STARD6: variants seen among roughly 807,000 people sequenced by gnomAD.
STARD6 encodes stAR-related lipid transfer protein 6.
A neutral mutation model predicts 22.3 loss-of-function variants in STARD6; 21 were observed. The observed-to-expected ratio is 0.94, with a 90% CI of 0.67 to 1.35. The LOEUF is 1.35. Among genes scored for constraint, STARD6 ranks in the 40% most tolerant of loss-of-function variants. The pLI is 0.00. For missense variants in STARD6, 269 were observed against 266.9 expected (o/e 1.01, Z -0.05); for synonymous variants, 80 against 88.1 (o/e 0.91, Z 0.52).
At chr18:54,354,431 TG>T in intron 3 of STARD6, 52 bp downstream of exon 3, 1 of 1,461,030 alleles carries the variant, frequency 6.8e-7, no homozygotes, top group South Asian at 1.2e-5. Flanking sequence ...TACAATGAAT[TG>T]TTTCTTACTT....
At chr18:54,336,428 C>A (rs1287147867) in intron 5 of STARD6, among the ~76,000 whole-genome samples, 1 of 152,128 alleles carries the variant, frequency 6.6e-6, no homozygotes, top group African/African-American at 2.4e-5. Context: ...TTCTCCTTTG[C>A]CTTCTACCAT....
intron 4 of STARD6, among the ~76,000 whole-genome samples, chr18:54,350,841 C>T (rs748839117): frequency 2.0e-5 from 3 of 151,986 alleles, no homozygotes; most frequent in Non-Finnish European, 2.9e-5. Flanking sequence ...CATTGATCTA[C>T]GTGCCTGTTT....
chr18:54,354,338 C>T (rs892955467), intron 3 of STARD6, 146 bp downstream of exon 3: 18 of 712,970 alleles, frequency 2.5e-5, no homozygotes, highest in Non-Finnish European at 3.5e-5. Flanking sequence ...AAGCAGTCCT[C>T]CTGTGTTAGC....
rs1555681153 is a variant in STARD6, at chr18:54,342,416, G to GCTCTCCGTCTCC, written c.141-5177_141-5166dup. Among the ~76,000 whole-genome samples the GCTCTCCGTCTCC allele has an allele frequency of 2.4e-4, 28 of 118,488 alleles. 3 individuals carry two copies. The highest frequency in any genetic ancestry group is 1.2e-3 in the African/African-American group (27 of 23,010). The allele number at this position is 118,488 out of a possible 152,430, so 77.7% of individuals were successfully genotyped here. A position where few individuals can be genotyped will look rare whatever the true frequency, so the allele number is the denominator to read the frequency against. On this transcript the variant is annotated intron_variant, in intron 4 of 7. Transcript: ENST00000307844. ...CCAGATAAAGATATCATAAGAAAAT[G>GCTCTCCGTCTCC]CTCTCCGTCTCCCTCTCCCTCTCCC...
rs1353342860 is a variant in STARD6, at chr18:54,331,778, T to A, written c.349A>T (p.Ile117Phe). The A allele has an allele frequency of 6.2e-7, 1 of 1,612,788 alleles. No individual in the cohort carries two copies. The highest frequency in any genetic ancestry group is 1.3e-5 in the African/African-American group (1 of 74,902). Residue 117 changes from isoleucine to phenylalanine, a missense_variant, in exon 6 of 8, where the codon ATC becomes TTC. By Grantham distance (21) the Ile-to-Phe change is conservative (BLOSUM62 0). Transcript: ENST00000307844. The part of the protein sequence containing the change: ...SPRDFIDLVY[I>F]KRYEGNMNII... Reference sequence around the variant, plus strand: ...TTCATATTTCCTTCGTAGCGCTTGATGTACACTAAGTCGATAAAGTCTCGA... The same window carrying A: ...TTCATATTTCCTTCGTAGCGCTTGAAGTACACTAAGTCGATAAAGTCTCGA...
chr18:54,340,944 A>G (rs2088963220), intron 4 of STARD6, among the ~76,000 whole-genome samples: 2 of 152,248 alleles, frequency 1.3e-5, no homozygotes, highest in African/African-American at 4.8e-5. Flanking sequence ...TGTAATAACT[A>G]TAAACGTATA....
At chr18:54,339,324 AAAT>A (rs1162833738) in intron 4 of STARD6, among the ~76,000 whole-genome samples, 1 of 151,894 alleles carries the variant, frequency 6.6e-6, no homozygotes, top group East Asian at 1.9e-4. Context: ...TATAGAAATA[AAAT>A]AATGAGTAAA....
At chr18:54,341,090 C>T (rs981466307) in intron 4 of STARD6, among the ~76,000 whole-genome samples, 1 of 152,188 alleles carries the variant, frequency 6.6e-6, no homozygotes, top group Non-Finnish European at 1.5e-5. Flanking sequence ...GAGTCTTGCT[C>T]TGTTGCCCAG....
At chr18:54,356,025 T>C (rs1482274841) in intron 2 of STARD6, among the ~76,000 whole-genome samples, 2 of 152,246 alleles carry the variant, frequency 1.3e-5, no homozygotes, top group Non-Finnish European at 2.9e-5. Context: ...AGTTAATATA[T>C]GTAAAAATGC....
intron 6 of STARD6, among the ~76,000 whole-genome samples, chr18:54,329,903 G>A (rs2088852731): frequency 6.6e-6 from 1 of 151,362 alleles, no homozygotes; most frequent in African/African-American, 2.4e-5. Context: ...AATATTCAAA[G>A]TAGTTAGATG....
intron 3 of STARD6, 159 bp from the exon 4 acceptor site, chr18:54,354,262 G>T: frequency 1.6e-6 from 1 of 626,840 alleles, no homozygotes. Flanking sequence ...ATGTTGCCCA[G>T]TCTGTAGTGT....
chr18:54,349,046 T>G (rs909827175), intron 4 of STARD6, among the ~76,000 whole-genome samples: 2 of 152,150 alleles, frequency 1.3e-5, no homozygotes, highest in African/African-American at 4.8e-5. Flanking sequence ...ATGAATGCAG[T>G]GATTTATTTC....
chr18:54,333,024 G>A (rs989039955), intron 5 of STARD6, among the ~76,000 whole-genome samples: 5 of 152,134 alleles, frequency 3.3e-5, no homozygotes, highest in Admixed American at 1.3e-4. Context: ...GACCAGGTAC[G>A]AGTCCTGGTT....
intron 4 of STARD6, among the ~76,000 whole-genome samples, chr18:54,348,900 T>A (rs2089064802): frequency 6.6e-6 from 1 of 152,132 alleles, no homozygotes; most frequent in Non-Finnish European, 1.5e-5. Flanking sequence ...CTTGAGTTTA[T>A]TTTTTTGTAC....
In STARD6 at chr18:54,324,664, C is replaced by G; in HGVS notation, c.*28G>C. ...ATAACTACTACACATGATTTTATAG[C>G]AGAACGGCCTCATTTCTTCTTTTGG... On this transcript the variant is annotated 3_prime_UTR_variant, in exon 8 of 8. Transcript: ENST00000307844. The G allele has an allele frequency of 6.2e-7, 1 of 1,605,618 alleles. No individual in the cohort carries two copies. The highest frequency in any genetic ancestry group is 8.5e-7 in the Non-Finnish European group (1 of 1,175,462).
At chr18:54,328,010 G>A (rs2088837955) in intron 7 of STARD6, among the ~76,000 whole-genome samples, 1 of 152,116 alleles carries the variant, frequency 6.6e-6, no homozygotes, top group African/African-American at 2.4e-5. Flanking sequence ...CCCAGGATGT[G>A]AAATCATCCC....
At chr18:54,333,366 G>A (rs923141698) in intron 5 of STARD6, among the ~76,000 whole-genome samples, 13 of 152,058 alleles carry the variant, frequency 8.5e-5, no homozygotes, top group African/African-American at 1.9e-4. Context: ...GGAGAATGGC[G>A]TGAACCTGGG....
In STARD6 at chr18:54,354,075, G is replaced by A; in HGVS notation, c.119C>T (p.Ser40Phe). ...TCACAGATTTCCATGGAATTTTCTA[G>A]AAGCCTTACTGGAAACAGTTATCTT... ...SKKITVSSKA[S>F]RKFHGNLYRV... Residue 40 changes from serine (S) to phenylalanine (F), a missense_variant, in exon 4 of 8, where the codon TCT (serine) becomes TTT (phenylalanine). Ser to Phe is a radical substitution (Grantham distance 155). Transcript: ENST00000307844. The A allele has an allele frequency of 1.9e-6, 3 of 1,568,488 alleles. No homozygotes were observed. Among genetic ancestry groups the A allele is most frequent in the Non-Finnish European group, 2.6e-6 (3 of 1,156,006 alleles).
chr18:54,337,717 C>T (rs2088930111), intron 4 of STARD6, among the ~76,000 whole-genome samples: 1 of 152,150 alleles, frequency 6.6e-6, no homozygotes, highest in South Asian at 2.1e-4. Context: ...TACTGTCTGT[C>T]CCTCTACTGA....
Sources: gnomAD v4.1 joint callset for allele counts (sites outside exome capture counted in the v4.1 genomes callset) on GRCh38, gnomAD v4.1.1 for gene constraint, MANE v1.5 for transcripts, NCBI Gene and HGNC (gene_info 2026-07-23, HGNC 2026-07-21) for gene names.